KCTD9: variants seen among roughly 807,000 people sequenced by gnomAD.
KCTD9 encodes the protein potassium channel tetramerization domain containing 9.
In KCTD9, 17 loss-of-function variants were observed where a neutral mutation model predicts 53.3. The ratio of observed to expected loss-of-function variants is 0.32; its 90% CI spans 0.22 to 0.48. The LOEUF is 0.48. KCTD9 is among the 20% of genes least tolerant of loss of function. The pLI is 0.99. For missense variants in KCTD9, 179 were observed against 465.5 expected (o/e 0.38, Z 5.66); for synonymous variants, 128 against 162.7 (o/e 0.79, Z 1.62).
In KCTD9 at chr8:25,458,194, G is replaced by T. The variant is rs368882687; in HGVS notation, c.48+5C>A. 3 of 576,060 alleles carry T rather than the reference G, an allele frequency of 5.2e-6. No individual in the cohort carries two copies. Among genetic ancestry groups the T allele is most frequent in the East Asian group, 8.7e-5 (1 of 11,466 alleles). 35.7% of individuals were successfully genotyped at this position (576,060 alleles called of 1,614,324 possible). A position where few individuals can be genotyped will look rare whatever the true frequency, so the allele number is the denominator to read the frequency against. ...GCCCGCCGCGCCCCCTCACGCCCCC[G>T]TTACCTTTCCGTTCTTGGGGCTGCC... On this transcript the variant is annotated splice_donor_5th_base_variant and intron_variant, in intron 1 of 11. Transcript: ENST00000221200.
chr8:25,428,510 G>A lies in KCTD9; in HGVS notation c.*1347C>T, dbSNP rs1253804657. On this transcript the variant is annotated 3_prime_UTR_variant, in exon 12 of 12. Transcript: ENST00000221200. ...CTTGCCTCATGTTGATGAGTCTGTA[G>A]AATTCAGAACCCATTTGGACACAGC... 6.6e-6 allele frequency: 1 copy of A among 152,442 alleles called. No individual in the cohort carries two copies. The highest frequency in any genetic ancestry group is 1.5e-5 in the Non-Finnish European group (1 of 67,986). The allele number at this position is 152,442 out of a possible 1,614,324, so 9.4% of individuals were successfully genotyped here.
In KCTD9 at chr8:25,429,049, A is replaced by AGAT. The variant is rs1339144344; in HGVS notation, c.*805_*807dup. The AGAT allele has an allele frequency of 5.3e-5, 8 of 152,228 alleles. No homozygotes were observed. The highest frequency in any genetic ancestry group is 1.9e-4 in the African/African-American group (8 of 41,466). The allele number at this position is 152,228 out of a possible 1,614,324, so 9.4% of individuals were successfully genotyped here. Reference sequence around the variant, plus strand: ...AGAAAACTAGGCTAATAGTGTAAATAGATAGAATTGCTTGATCTGGTGTTG... The same window carrying AGAT: ...AGAAAACTAGGCTAATAGTGTAAATAGATGATAGAATTGCTTGATCTGGTGTTG... On this transcript the variant is annotated 3_prime_UTR_variant, in exon 12 of 12. Coordinates refer to ENST00000221200, the MANE Select transcript of KCTD9 (RefSeq NM_017634.4).
intron 1 of KCTD9, among the ~76,000 whole-genome samples, chr8:25,447,907 G>A (rs1277461236): frequency 4.6e-5 from 7 of 152,052 alleles, no homozygotes; most frequent in South Asian, 4.2e-4. Flanking sequence ...CAGGTGGATC[G>A]CTTGAGCCCA....
chr8:25,441,012 T>C (rs1802111650), intron 3 of KCTD9, among the ~76,000 whole-genome samples: 1 of 152,118 alleles, frequency 6.6e-6, no homozygotes, highest in Non-Finnish European at 1.5e-5. Flanking sequence ...CAGATTGAGA[T>C]CATCCCAAAA....
At position 25,428,821 on chromosome 8, in the gene KCTD9, T is replaced by C. The variant is rs974183537; in HGVS notation, c.*1036A>G. ...TCATTCCCCACTGTAGGGTTCTAGC[T>C]GCAATTATATTACATTGCCTTTTAG... On this transcript the variant is annotated 3_prime_UTR_variant, in exon 12 of 12. Coordinates refer to ENST00000221200, the MANE Select transcript of KCTD9 (RefSeq NM_017634.4). 1.3e-5 allele frequency: 2 copies of C among 152,218 alleles called. No homozygotes were observed. Among genetic ancestry groups the C allele is most frequent in the African/African-American group, 4.8e-5 (2 of 41,458 alleles). 9.4% of individuals were successfully genotyped at this position (152,218 alleles called of 1,614,324 possible).
chr8:25,438,865 G>A (rs1303269369), intron 6 of KCTD9, among the ~76,000 whole-genome samples: 1 of 152,202 alleles, frequency 6.6e-6, no homozygotes, highest in Non-Finnish European at 1.5e-5. Context: ...TGATTGCAAG[G>A]CATGATTTGC....
rs371365282 is a variant in KCTD9 at position 25,433,438 on chromosome 8, G to A, written c.814-3C>T. 2.1e-5 allele frequency: 33 copies of A among 1,556,956 alleles called. No homozygotes were observed. The African/African-American group carries it at 2.9e-4, about 14-fold the overall frequency. ...TTGACTCCCTGGAGATTCGCACACTGCAAAGAAAAGAGAAAAGTCCTGGTT... is the reference window on the plus strand; with the variant it reads ...TTGACTCCCTGGAGATTCGCACACTACAAAGAAAAGAGAAAAGTCCTGGTT... On this transcript the variant is annotated splice_polypyrimidine_tract_variant and splice_region_variant and intron_variant, in intron 9 of 11. Coordinates refer to ENST00000221200, the MANE Select transcript of KCTD9 (RefSeq NM_017634.4).
At chr8:25,437,875 A>C (rs1335907722) in intron 6 of KCTD9, among the ~76,000 whole-genome samples, 1 of 149,334 alleles carries the variant, frequency 6.7e-6, no homozygotes, top group Non-Finnish European at 1.5e-5. Flanking sequence ...AAAAAAAAAA[A>C]AAAAAATCTG....
intron 3 of KCTD9, among the ~76,000 whole-genome samples, chr8:25,442,661 G>A (rs571293491): frequency 1.3e-5 from 2 of 152,342 alleles, no homozygotes; most frequent in East Asian, 3.9e-4. Flanking sequence ...CTGGAGGTAA[G>A]TGTACGCTTG....
Position 25,458,193 on chromosome 8 carries a change from CGTT to C in KCTD9, c.48+3_48+5del. ...GGCCCGCCGCGCCCCCTCACGCCCC[CGTT>C]ACCTTTCCGTTCTTGGGGCTGCCGT... On this transcript the variant is annotated splice_donor_5th_base_variant and intron_variant, in intron 1 of 11. Coordinates refer to ENST00000221200, the MANE Select transcript of KCTD9 (RefSeq NM_017634.4). 1 of 1,606,128 alleles carries C rather than the reference CGTT, an allele frequency of 6.2e-7. No homozygotes were observed. Among genetic ancestry groups the C allele is most frequent in the South Asian group, 1.1e-5 (1 of 90,556 alleles).
Position 25,451,224 on chromosome 8 carries a change from G to A in KCTD9, c.49-4974C>T, listed in dbSNP as rs117154382. 4.5e-4 allele frequency among the ~76,000 whole-genome samples: 69 copies of A among 152,160 alleles called. 1 individual carries two copies. In the East Asian group the frequency reaches 9.6e-3, roughly 21 times the overall value. On this transcript the variant is annotated intron_variant, in intron 1 of 11. Coordinates refer to ENST00000221200, the MANE Select transcript of KCTD9 (RefSeq NM_017634.4). The stretch of plus-strand genomic sequence containing the variant: ...TGTATTTTAAACTAATTAGAAACCA[G>A]GTTTTAAAATATATATATCAACATA...
In KCTD9 at chr8:25,439,313, T is replaced by C. The variant is rs1802075369; in HGVS notation, c.465A>G (p.Gly155=). The change falls in exon 6 of 12, where the codon GGA becomes GGG. Residue 155 remains glycine (G), a synonymous_variant. Coordinates refer to ENST00000221200, the MANE Select transcript of KCTD9 (RefSeq NM_017634.4). ...TAATGCCATCATTTACAATGAGCTG[T>C]CCATGACGCAAGTAGTTCAAAATGG... The part of the protein sequence containing the change: ...FEPILNYLRH[G]QLIVNDGINL... 6 of 1,612,084 alleles carry C rather than the reference T, an allele frequency of 3.7e-6. No individual in the cohort carries two copies. In the African/African-American group the frequency reaches 8.0e-5, roughly 22 times the overall value.
chr8:25,444,774 T>C (rs771277062), intron 2 of KCTD9, among the ~76,000 whole-genome samples: 8 of 152,266 alleles, frequency 5.3e-5, no homozygotes, highest in Non-Finnish European at 8.8e-5. Flanking sequence ...TGGAAGTAAC[T>C]CTACTGTCAG....
At chr8:25,456,303 G>T (rs1180895673) in intron 1 of KCTD9, among the ~76,000 whole-genome samples, 3 of 152,210 alleles carry the variant, frequency 2.0e-5, no homozygotes, top group African/African-American at 7.2e-5. Flanking sequence ...TATTCTATTT[G>T]AGTAGCACTT....
intron 3 of KCTD9, among the ~76,000 whole-genome samples, chr8:25,442,586 G>A (rs1366810223): frequency 6.6e-6 from 1 of 152,142 alleles, no homozygotes; most frequent in African/African-American, 2.4e-5. Flanking sequence ...TGTTCTCATA[G>A]TATCTTGGAG....
rs530344917 is a variant in KCTD9, at chr8:25,430,112, A to G, written c.1054-139T>C. 3.9e-5 allele frequency: 25 copies of G among 646,934 alleles called. No homozygotes were observed. The Middle Eastern group carries it at 8.1e-4, about 21-fold the overall frequency. The allele number at this position is 646,934 out of a possible 1,614,324, so 40.1% of individuals were successfully genotyped here. ...TCAGTTAATTTCCGGAAAACTGATG[A>G]TACACCACCCTAAATTAAGATGTTC... is the stretch of plus-strand genomic sequence containing the variant. On this transcript the variant is annotated intron_variant, in intron 11 of 11. Coordinates refer to ENST00000221200, the MANE Select transcript of KCTD9 (RefSeq NM_017634.4).
intron 6 of KCTD9, 131 bp from the exon 7 acceptor site, chr8:25,436,616 A>T: frequency 1.8e-6 from 1 of 562,228 alleles, no homozygotes; most frequent in South Asian, 2.9e-5. Context: ...AGCAGATCTG[A>T]ACAGGTTTGC....
chr8:25,446,965 G>A (rs1214032587), intron 1 of KCTD9, among the ~76,000 whole-genome samples: 3 of 152,222 alleles, frequency 2.0e-5, no homozygotes, highest in African/African-American at 7.2e-5. Flanking sequence ...ACATGCAACT[G>A]TCTAAGCAGG....
chr8:25,440,354 A>G (rs7017457), intron 4 of KCTD9, among the ~76,000 whole-genome samples: 146,215 of 152,178 alleles, frequency 0.96, 70,467 homozygotes, highest in East Asian at 1. Flanking sequence ...CACCGCGCCC[A>G]GCCAAAAGCA....
Sources: allele counts gnomAD v4.1 joint callset (sites outside exome capture counted in the v4.1 genomes callset), GRCh38; gene constraint gnomAD v4.1.1; transcripts MANE v1.5; gene names NCBI Gene and HGNC (gene_info 2026-07-23, HGNC 2026-07-21).